Variants in VSIG4 observed in about 807,000 individuals in gnomAD.
VSIG4 encodes V-set and immunoglobulin domain-containing protein 4.
A neutral mutation model predicts 23.4 loss-of-function variants in VSIG4; 34 were observed. The ratio of observed to expected loss-of-function variants is 1.45; its 90% CI spans 1.10 to 1.93. VSIG4 has a LOEUF of 1.93. VSIG4 is among the 30% of genes most tolerant of loss of function. The pLI is 0.00. For synonymous variants in VSIG4, 169 were observed against 120.3 expected, an observed-to-expected ratio of 1.41 and a Z score of -2.65; for missense variants, 433 against 310.8, an observed-to-expected ratio of 1.39 and a Z score of -2.96.
At chrX:66,037,776 G>T (rs1170888042) in intron 1 of VSIG4, among the ~76,000 whole-genome samples, 1 of 103,228 alleles carries the variant, frequency 9.7e-6, no homozygotes, top group Non-Finnish European at 2.0e-5. Context: ...ACTTATTGCT[G>T]ATAAGTATAT....
intron 1 of VSIG4, among the ~76,000 whole-genome samples, chrX:66,034,488 G>A (rs1015382586): frequency 2.7e-5 from 3 of 111,974 alleles, no homozygotes; most frequent in African/African-American, 9.7e-5. Context: ...ACACATTCCT[G>A]TTTAACAAAA....
Position 66,025,038 on chromosome X carries a change from C to T in VSIG4, c.927G>A (p.Lys309=), listed in dbSNP as rs757430954. The part of the protein sequence containing the change: ...FTMAYIMLCR[K]TSQQEHVYEA... The stretch of plus-strand genomic sequence containing the variant: ...TTCATCACTAACCTTGTTGGGATGT[C>T]TTCCGACAGAGCATGATATAGGCCA... The change falls in exon 6 of 8, where the codon AAG becomes AAA. Residue 309 remains lysine (K), a synonymous_variant. Coordinates refer to ENST00000374737, the MANE Select transcript of VSIG4 (RefSeq NM_007268.3). 8.4e-7 allele frequency: 1 copy of T among 1,196,244 alleles called. No individual in the cohort carries two copies. The highest frequency in any genetic ancestry group is 2.3e-5 in the Admixed American group (1 of 44,043).
At chrX:66,026,172 CA>C (rs766842500) in intron 5 of VSIG4, among the ~76,000 whole-genome samples, 12 of 111,284 alleles carry the variant, frequency 1.1e-4, no homozygotes, top group African/African-American at 1.3e-4. Context: ...GATGCTAGGT[CA>C]GGGGGGATAG....
At chrX:66,031,587 C>A (rs752388792) in intron 3 of VSIG4, among the ~76,000 whole-genome samples, 1 of 111,115 alleles carries the variant, frequency 9.0e-6, no homozygotes, top group South Asian at 3.8e-4. Context: ...TCAGATGGTT[C>A]TGAGGGCAAT....
chrX:66,038,709 C>T (rs946434899), intron 1 of VSIG4, among the ~76,000 whole-genome samples: 14 of 111,461 alleles, frequency 1.3e-4, no homozygotes, highest in Non-Finnish European at 1.9e-4. Context: ...ATTAACTCTG[C>T]CACTAATGCT....
chrX:66,034,978 T>C (rs907116026), intron 1 of VSIG4, among the ~76,000 whole-genome samples: 1 of 111,245 alleles, frequency 9.0e-6, no homozygotes, highest in African/African-American at 3.3e-5. Flanking sequence ...AAGTCTTTTA[T>C]TGAGCCTAGA....
At chrX:66,032,794 A>T in intron 2 of VSIG4, 45 bp from the exon 3 acceptor site, 2 of 1,164,558 alleles carry the variant, frequency 1.7e-6, no homozygotes, top group East Asian at 3.0e-5. Flanking sequence ...AGTCATAAGG[A>T]TATGGGACCA....
At chrX:66,031,757 A>G (rs909842965) in intron 3 of VSIG4, among the ~76,000 whole-genome samples, 4 of 111,427 alleles carry the variant, frequency 3.6e-5, no homozygotes, top group African/African-American at 1.3e-4. Flanking sequence ...TTATATGCAT[A>G]GTTTGTAGTG....
At chrX:66,024,204 A>G (rs990402450) in intron 6 of VSIG4, among the ~76,000 whole-genome samples, 3 of 112,421 alleles carry the variant, frequency 2.7e-5, no homozygotes, top group African/African-American at 9.7e-5. Flanking sequence ...TTTAGAAACA[A>G]GCATCCCAAT....
At chrX:66,023,985 A>G (rs959630322) in intron 6 of VSIG4, among the ~76,000 whole-genome samples, 23 of 112,484 alleles carry the variant, frequency 2.0e-4, no homozygotes, top group African/African-American at 7.5e-4. Context: ...CATGGTGATA[A>G]ACATGCTAAC....
chrX:66,023,826 C>T (rs1240557979), intron 6 of VSIG4, among the ~76,000 whole-genome samples: 5 of 112,057 alleles, frequency 4.5e-5, no homozygotes, highest in African/African-American at 3.2e-5. Flanking sequence ...GACCTTTATC[C>T]CCTGGGCCAT....
At chrX:66,027,182 A>G (rs973002019) in intron 5 of VSIG4, among the ~76,000 whole-genome samples, 4 of 111,639 alleles carry the variant, frequency 3.6e-5, no homozygotes, top group African/African-American at 9.8e-5. Context: ...TTTGGAAAGC[A>G]TATTACTATG....
At chrX:66,022,554 G>T in intron 7 of VSIG4, 54 bp from the exon 8 acceptor site, 1 of 1,188,395 alleles carries the variant, frequency 8.4e-7, no homozygotes, top group Admixed American at 2.3e-5. Context: ...TGTGGTCCTG[G>T]TTTCCCACCC....
intron 3 of VSIG4, among the ~76,000 whole-genome samples, chrX:66,028,826 G>T (rs1199759222): frequency 1.8e-5 from 2 of 110,543 alleles, no homozygotes; most frequent in Non-Finnish European, 3.8e-5. Flanking sequence ...TTCCCTGAAA[G>T]ACCTGACTCA....
Position 66,028,126 on chromosome X carries a change from G to A in VSIG4, c.695-14C>T. 8.3e-7 allele frequency: 1 copy of A among 1,203,869 alleles called. No individual in the cohort carries two copies. Among genetic ancestry groups the A allele is most frequent in the Middle Eastern group, 2.4e-4 (1 of 4,123 alleles). On this transcript the variant is annotated splice_polypyrimidine_tract_variant and intron_variant, in intron 3 of 7. Coordinates refer to ENST00000374737, the MANE Select transcript of VSIG4 (RefSeq NM_007268.3). ...GCTTTGAGGAGTCTGCAAGGAAAAG[G>A]GAACCGATTGAAGGGACCTGGTACC... is the stretch of plus-strand genomic sequence containing the variant.
rs940774910 is a variant in VSIG4, at chrX:66,027,456, A to G, written c.828T>C (p.Ala276=). The part of the protein sequence containing the change: ...DMDGYLGETS[A]GPGKSLPVFA... Reference sequence around the variant, plus strand: ...TCCTGACAATATTCCTACCTGGCCCAGCACTGGTCTCTCCAAGGTAGCCAT... The same window carrying G: ...TCCTGACAATATTCCTACCTGGCCCGGCACTGGTCTCTCCAAGGTAGCCAT... The change falls in exon 5 of 8, where the codon GCT becomes GCC. Residue 276 remains alanine, a synonymous_variant. Coordinates refer to ENST00000374737, the MANE Select transcript of VSIG4 (RefSeq NM_007268.3). The G allele has an allele frequency of 1.2e-5, 14 of 1,201,059 alleles. No individual in the cohort carries two copies. The highest frequency in any genetic ancestry group is 1.6e-5 in the Non-Finnish European group (14 of 889,741).
intron 6 of VSIG4, among the ~76,000 whole-genome samples, chrX:66,023,551 C>A (rs1169997197): frequency 8.9e-6 from 1 of 112,695 alleles, no homozygotes; most frequent in Non-Finnish European, 1.9e-5. Context: ...TAGAGCCCTG[C>A]ATTTCTGTGT....
chrX:66,035,281 C>T (rs1484056379), intron 1 of VSIG4, among the ~76,000 whole-genome samples: 3 of 112,149 alleles, frequency 2.7e-5, no homozygotes, highest in Non-Finnish European at 5.6e-5. Flanking sequence ...CTCAGACCTA[C>T]GAATGGGAAT....
rs1253800711 is a variant in VSIG4 at position 66,033,677 on chromosome X, C to T, written c.209G>A (p.Arg70His). The change falls in exon 2 of 8, where the codon CGT (arginine) becomes CAT (histidine). Residue 70 changes from arginine (R) to histidine (H), a missense_variant. Transcript: ENST00000374737. ...RGSDPVTIFL[R>H]DSSGDHIQQA... ...CTGGATATGGTCTCCAGAAGAGTCA[C>T]GTAGAAAGATGGTGACAGGGTCTGA... is the stretch of plus-strand genomic sequence containing the variant. The T allele has an allele frequency of 1.5e-5, 18 of 1,209,322 alleles. No homozygotes were observed. Among genetic ancestry groups the T allele is most frequent in the African/African-American group, 3.5e-5 (2 of 57,001 alleles).
Sources: gnomAD v4.1 joint callset for allele counts (sites outside exome capture counted in the v4.1 genomes callset) on GRCh38, gnomAD v4.1.1 for gene constraint, MANE v1.5 for transcripts, NCBI Gene and HGNC (gene_info 2026-07-23, HGNC 2026-07-21) for gene names.